Variants in FAU observed in about 807,000 individuals in gnomAD.
The protein encoded by FAU is FAU ubiquitin like and ribosomal protein S30 fusion, also known as ubiquitin-like FUBI-ribosomal protein eS30 fusion protein.
For synonymous variants in FAU, 70 were observed against 69.9 expected (o/e 1.00, Z -0.01); for missense variants, 125 against 173.9 (o/e 0.72, Z 1.58).
intron 1 of FAU, 105 bp from the exon 2 acceptor site, chr11:65,121,926 G>A (rs934390648): frequency 1.5e-5 from 18 of 1,225,052 alleles, no homozygotes; most frequent in East Asian, 5.0e-5. Context: ...CGGGATGGTG[G>A]TCGCGGCGGC....
In FAU at chr11:65,121,799, G is replaced by A. The variant is rs1211021892; in HGVS notation, c.15C>T (p.Val5=). 6.2e-7 allele frequency: 1 copy of A among 1,614,078 alleles called. No homozygotes were observed. The highest frequency in any genetic ancestry group is 1.1e-5 in the South Asian group (1 of 91,078). Residue 5 remains valine (V), a synonymous_variant, in exon 2 of 5, where the codon GTC becomes GTT. Coordinates refer to ENST00000529639, the MANE Select transcript of FAU (RefSeq NM_001997.5). MQLF[V]RAQELHTFEV... ...CGAAGGTGTGTAGCTCCTGGGCGCG[G>A]ACAAAGAGCTGCATATTGGCGACTG...
In FAU at chr11:65,121,040, T is replaced by C. The variant is rs748986585; in HGVS notation, c.221-4A>G. The C allele has an allele frequency of 1.2e-6, 2 of 1,613,976 alleles. No homozygotes were observed. Among genetic ancestry groups the C allele is most frequent in the African/African-American group, 2.7e-5 (2 of 74,922 alleles). The stretch of plus-strand genomic sequence containing the variant: ...GCCAGGGAACCATGGACTTTACCTG[T>C]AGTGGGAAAGGAAGGCACCAGCAGG... On this transcript the variant is annotated splice_polypyrimidine_tract_variant and splice_region_variant and intron_variant, in intron 3 of 4. Coordinates refer to ENST00000529639, the MANE Select transcript of FAU (RefSeq NM_001997.5).
At chr11:65,121,914 G>C in intron 1 of FAU, 93 bp from the exon 2 acceptor site, 1 of 1,316,906 alleles carries the variant, frequency 7.6e-7, no homozygotes. Flanking sequence ...AAACGATCGC[G>C]ACGGGATGGT....
At chr11:65,121,336 G>T in intron 3 of FAU, 164 bp downstream of exon 3, 2 of 947,964 alleles carry the variant, frequency 2.1e-6, no homozygotes, top group Non-Finnish European at 1.6e-6. Flanking sequence ...TCCCATGGAC[G>T]TCTGTGTTCA....
intron 1 of FAU, 68 bp downstream of exon 1, chr11:65,122,022 C>A: frequency 1.6e-6 from 1 of 621,616 alleles, no homozygotes; most frequent in Non-Finnish European, 2.8e-6. Context: ...TCGGTTCCCC[C>A]CGCGCCTTCT....
At chr11:65,121,411 A>G in intron 3 of FAU, 89 bp downstream of exon 3, 2 of 1,486,758 alleles carry the variant, frequency 1.3e-6, no homozygotes, top group South Asian at 2.6e-5. Flanking sequence ...CTCTATTACC[A>G]TAGGTGTGAC....
At chr11:65,121,249 T>G in intron 3 of FAU, 1 of 723,318 alleles carries the variant, frequency 1.4e-6, no homozygotes, top group East Asian at 2.7e-5. Context: ...TGGTCTGACC[T>G]AATTTTAGTG....
At position 65,120,759 on chromosome 11, in the gene FAU, C is replaced by T. The variant is rs375407736; in HGVS notation, c.324G>A (p.Arg108=). ...KKKKKTGRAK[R]RMQYNRRFVN... Reference sequence around the variant, plus strand: ...CAAAGCGCCGGTTGTACTGCATCCGCCGCTTAGCCCGACCTGTCTTCTTCT... The same window carrying T: ...CAAAGCGCCGGTTGTACTGCATCCGTCGCTTAGCCCGACCTGTCTTCTTCT... Residue 108 remains arginine (R), a synonymous_variant, in exon 5 of 5, where the codon CGG becomes CGA. Coordinates refer to ENST00000529639, the MANE Select transcript of FAU (RefSeq NM_001997.5). The T allele has an allele frequency of 1.2e-6, 2 of 1,614,200 alleles. No homozygotes were observed. Among genetic ancestry groups the T allele is most frequent in the Non-Finnish European group, 1.7e-6 (2 of 1,180,044 alleles).
In FAU at chr11:65,121,080, T is replaced by C. The variant is rs1948042645; in HGVS notation, c.221-44A>G. ...GCACCAGCAGGTAAGAGCAAGAAGG[T>C]GCCACCCAGCAGAACCCCTCTTTTC... On this transcript the variant is annotated intron_variant, in intron 3 of 4. Coordinates refer to ENST00000529639, the MANE Select transcript of FAU (RefSeq NM_001997.5). 2.5e-6 allele frequency: 4 copies of C among 1,602,652 alleles called. No homozygotes were observed. The African/African-American group carries it at 5.4e-5, about 21-fold the overall frequency.
chr11:65,121,188 T>G, intron 3 of FAU, 152 bp from the exon 4 acceptor site: 1 of 876,780 alleles, frequency 1.1e-6, no homozygotes, highest in South Asian at 1.7e-5. Context: ...AATCTTAAGT[T>G]TCATTTCAGG....
chr11:65,120,643 T>A lies in FAU; in HGVS notation c.*38A>T. On this transcript the variant is annotated 3_prime_UTR_variant, in exon 5 of 5. Coordinates refer to ENST00000529639, the MANE Select transcript of FAU (RefSeq NM_001997.5). The stretch of plus-strand genomic sequence containing the variant: ...GAAACAATGCGATGACTGAACTAAG[T>A]GGCTTTTTTATTAGAGAAAGCCAGA... The A allele has an allele frequency of 6.2e-7, 1 of 1,611,442 alleles. No homozygotes were observed. The highest frequency in any genetic ancestry group is 8.5e-7 in the Non-Finnish European group (1 of 1,178,944).
chr11:65,120,936 AG>A, intron 4 of FAU, 44 bp downstream of exon 4: 1 of 1,612,470 alleles, frequency 6.2e-7, no homozygotes, highest in African/African-American at 1.3e-5. Context: ...TAGCTGTGAA[AG>A]GAAAAAAAGT....
At chr11:65,121,908 G>A (rs1948052730) in intron 1 of FAU, 87 bp from the exon 2 acceptor site, 2 of 1,357,760 alleles carry the variant, frequency 1.5e-6, no homozygotes, top group Non-Finnish European at 2.1e-6. Flanking sequence ...GTCCAGAAAC[G>A]ATCGCGACGG....
chr11:65,121,996 G>A, intron 1 of FAU, 94 bp downstream of exon 1: 2 of 651,948 alleles, frequency 3.1e-6, no homozygotes, highest in African/African-American at 1.8e-5. Context: ...CAGGGCCACG[G>A]AGCAGGCCCC....
Position 65,122,070 on chromosome 11 carries a change from A to G in FAU, c.-9+20T>C. 1.7e-6 allele frequency: 1 copy of G among 602,376 alleles called. No individual in the cohort carries two copies. Among genetic ancestry groups the G allele is most frequent in the Non-Finnish European group, 2.9e-6 (1 of 340,810 alleles). 37.3% of individuals were successfully genotyped at this position (602,376 alleles called of 1,614,324 possible). ...AACCTGCTACAAGCCCTTCGGATCC[A>G]GCCAAGGCCCCATTCTTACCTGAAC... On this transcript the variant is annotated intron_variant, in intron 1 of 4. Transcript: ENST00000529639.
chr11:65,121,393 G>C, intron 3 of FAU, 107 bp downstream of exon 3: 1 of 1,399,874 alleles, frequency 7.1e-7, no homozygotes, highest in Non-Finnish European at 9.7e-7. Context: ...TGAAGACAGT[G>C]AGAAGTACTC....
At chr11:65,121,376 TCTGAA>T (rs1948045406) in intron 3 of FAU, 119 bp downstream of exon 3, 1 of 1,307,534 alleles carries the variant, frequency 7.6e-7, no homozygotes, top group Middle Eastern at 2.8e-4. Flanking sequence ...GAAGAATCAC[TCTGAA>T]CTGAAGACAG....
Position 65,121,014 on chromosome 11 carries a change from G to T in FAU, c.243C>A (p.Ala81=), listed in dbSNP as rs970115371. Residue 81 remains alanine, a synonymous_variant, in exon 4 of 5, where the codon GCC becomes GCA. Transcript: ENST00000529639. ...MLGGKVHGSL[A]RAGKVRGQTP... ...TCTGACCTCTCACTTTTCCAGCACG[G>T]GCCAGGGAACCATGGACTTTACCTG... 1.2e-5 allele frequency: 20 copies of T among 1,614,104 alleles called. No homozygotes were observed. Among genetic ancestry groups the T allele is most frequent in the Non-Finnish European group, 1.4e-5 (16 of 1,180,018 alleles).
At position 65,121,506 on chromosome 11, in the gene FAU, G is replaced by A; in HGVS notation, c.214C>T (p.Leu72Phe). The change falls in exon 3 of 5, where the codon CTT becomes TTT. Residue 72 changes from leucine to phenylalanine, a missense_variant. Coordinates refer to ENST00000529639, the MANE Select transcript of FAU (RefSeq NM_001997.5). The stretch of plus-strand genomic sequence containing the variant: ...ACATTCCTCTCTCACTCACCTCCAA[G>A]CATGCGGCCTGCTACTTCCAGGGTA... ...LTTLEVAGRM[L>F]GGKVHGSLAR... The A allele has an allele frequency of 6.2e-7, 1 of 1,613,294 alleles. No individual in the cohort carries two copies. The highest frequency in any genetic ancestry group is 1.1e-5 in the South Asian group (1 of 91,044).
Sources: gnomAD v4.1 joint callset for allele counts on GRCh38, gnomAD v4.1.1 for gene constraint, MANE v1.5 for transcripts, NCBI Gene and HGNC (gene_info 2026-07-23, HGNC 2026-07-21) for gene names.